EPSTI1: variants seen among roughly 807,000 people sequenced by gnomAD.
The protein encoded by EPSTI1 is epithelial-stromal interaction protein 1.
In EPSTI1, 66 loss-of-function variants were observed where a neutral mutation model predicts 49.9. The ratio of observed to expected loss-of-function variants is 1.32; its 90% CI spans 1.08 to 1.62. EPSTI1 has a LOEUF of 1.62. Among genes scored for constraint, EPSTI1 ranks in the 40% most tolerant of loss-of-function variants. The pLI is 0.00. For synonymous variants in EPSTI1, 137 were observed against 130.7 expected (o/e 1.05, Z -0.33); for missense variants, 394 against 365.5 (o/e 1.08, Z -0.64).
chr13:42,946,325 G>A (rs973124129), intron 6 of EPSTI1, among the ~76,000 whole-genome samples: 23 of 152,162 alleles, frequency 1.5e-4, no homozygotes, highest in Admixed American at 1.2e-3. Flanking sequence ...AGCTCAAGGT[G>A]GTGCAAGGCA....
chr13:42,907,793 A>G (rs1341863775), intron 8 of EPSTI1, among the ~76,000 whole-genome samples: 1 of 152,260 alleles, frequency 6.6e-6, no homozygotes, highest in East Asian at 1.9e-4. Flanking sequence ...CTTGGATAGA[A>G]CTATAGTTAC....
At chr13:42,962,221 T>C (rs2039472187) in intron 5 of EPSTI1, among the ~76,000 whole-genome samples, 1 of 152,308 alleles carries the variant, frequency 6.6e-6, no homozygotes, top group South Asian at 2.1e-4. Context: ...CGAGCTTTTA[T>C]GTGCACAGGA....
chr13:42,920,008 T>G (rs2037947592), intron 7 of EPSTI1, among the ~76,000 whole-genome samples: 2 of 152,224 alleles, frequency 1.3e-5, no homozygotes, highest in South Asian at 4.1e-4. Flanking sequence ...GACTCCATCT[T>G]CATCATGCAT....
chr13:42,897,307 C>T (rs2037220812), intron 9 of EPSTI1, among the ~76,000 whole-genome samples: 1 of 152,160 alleles, frequency 6.6e-6, no homozygotes, highest in Admixed American at 6.5e-5. Context: ...TCTCCAATTT[C>T]TTCTTTAACG....
intron 9 of EPSTI1, among the ~76,000 whole-genome samples, chr13:42,898,332 G>A (rs2037255720): frequency 6.6e-6 from 1 of 152,126 alleles, no homozygotes; most frequent in Admixed American, 6.5e-5. Flanking sequence ...GAATGGACAC[G>A]GCTATTTTAT....
intron 1 of EPSTI1, among the ~76,000 whole-genome samples, chr13:42,979,506 C>T (rs973406553): frequency 4.0e-5 from 6 of 148,708 alleles, no homozygotes; most frequent in Non-Finnish European, 7.4e-5. Context: ...GGCGTGAACC[C>T]GGAAGGCGGC....
At chr13:42,911,339 GAAAT>G (rs2037681157) in intron 8 of EPSTI1, among the ~76,000 whole-genome samples, 1 of 152,076 alleles carries the variant, frequency 6.6e-6, no homozygotes, top group Non-Finnish European at 1.5e-5. Flanking sequence ...TGGGGATAGT[GAAAT>G]AAACTTCTAA....
At chr13:42,962,478 A>T (rs942232358) in intron 5 of EPSTI1, among the ~76,000 whole-genome samples, 1 of 152,180 alleles carries the variant, frequency 6.6e-6, no homozygotes, top group African/African-American at 2.4e-5. Context: ...GACAATGTTT[A>T]AACAGTTTAG....
At position 42,888,457 on chromosome 13, in the gene EPSTI1, G is replaced by T; in HGVS notation, c.*37C>A. ...AAAGCATCTCATGAGGCTTTTCGAG[G>T]TCAGTTGATGAAGGCCAGATAGGAG... On this transcript the variant is annotated 3_prime_UTR_variant, in exon 11 of 11. Coordinates refer to ENST00000313624, the MANE Select transcript of EPSTI1 (RefSeq NM_033255.5). The T allele has an allele frequency of 6.2e-7, 1 of 1,614,030 alleles. No homozygotes were observed. The highest frequency in any genetic ancestry group is 8.5e-7 in the Non-Finnish European group (1 of 1,179,952).
At chr13:42,989,560 CTTTT>C (rs796370183) in intron 1 of EPSTI1, among the ~76,000 whole-genome samples, 3 of 37,030 alleles carry the variant, frequency 8.1e-5, no homozygotes, top group African/African-American at 2.0e-4. Flanking sequence ...ACTTTATCCT[CTTTT>C]TTCTTTTTTT....
At chr13:42,888,568 A>G in intron 10 of EPSTI1, 66 bp from the exon 11 acceptor site, 2 of 1,517,502 alleles carry the variant, frequency 1.3e-6, no homozygotes, top group African/African-American at 2.8e-5. Context: ...TTTGTAGTCA[A>G]AAATGAAGTT....
chr13:42,912,971 G>A (rs760203030), intron 8 of EPSTI1, among the ~76,000 whole-genome samples: 6 of 151,760 alleles, frequency 4.0e-5, no homozygotes, highest in Non-Finnish European at 7.4e-5. Flanking sequence ...AAGAAAATTA[G>A]GAAGAAAAAA....
At chr13:42,919,306 GTGA>G (rs2037927618) in intron 7 of EPSTI1, 3 of 1,613,650 alleles carry the variant, frequency 1.9e-6, no homozygotes, top group Non-Finnish European at 2.5e-6. Context: ...TTACCCAGCT[GTGA>G]TCCCTAGGCA....
intron 6 of EPSTI1, among the ~76,000 whole-genome samples, chr13:42,931,628 T>G (rs1203505607): frequency 6.6e-6 from 1 of 152,236 alleles, no homozygotes; most frequent in Non-Finnish European, 1.5e-5. Context: ...GGTGTTTATG[T>G]TTTTTAACTA....
At position 42,886,544 on chromosome 13, in the gene EPSTI1, G is replaced by C. The variant is rs1322395127; in HGVS notation, c.*1950C>G. On this transcript the variant is annotated 3_prime_UTR_variant, in exon 11 of 11. Transcript: ENST00000313624. ...CGGGGGGACATTAAAATTAAGCATA[G>C]AAATGGTGGAACTTTGGGATTTCCT... 6.6e-6 allele frequency: 1 copy of C among 151,870 alleles called. No individual in the cohort carries two copies. The highest frequency in any genetic ancestry group is 1.9e-4 in the East Asian group (1 of 5,194). The allele number at this position is 151,870 out of a possible 1,614,324, so 9.4% of individuals were successfully genotyped here.
chr13:42,919,107 C>A (rs1320734117), intron 7 of EPSTI1, among the ~76,000 whole-genome samples: 1 of 152,080 alleles, frequency 6.6e-6, no homozygotes, highest in African/African-American at 2.4e-5. Flanking sequence ...ATTTGAATAG[C>A]CTCCCTTTAA....
intron 8 of EPSTI1, among the ~76,000 whole-genome samples, chr13:42,907,827 G>A (rs968893075): frequency 6.6e-5 from 10 of 152,068 alleles, no homozygotes; most frequent in African/African-American, 2.2e-4. Context: ...TTTAGCATTC[G>A]GGAACATTAG....
chr13:42,992,087 GGT>G lies in EPSTI1; in HGVS notation c.77_78del (p.Asp26AlafsTer23). On this transcript the variant is annotated frameshift_variant, in exon 1 of 11. Coordinates refer to ENST00000313624, the MANE Select transcript of EPSTI1 (RefSeq NM_033255.5). LOFTEE classifies it high-confidence loss of function. The part of the protein sequence containing the change: ...PASRPTRDPQ[D>X]PSGRQGELSP... ...CTCAGCTCCCCTTGCCGCCCAGAAG[GGT>G]CCTGGGGATCCCGGGTCGGGCGGGA... The G allele has an allele frequency of 1.2e-6, 2 of 1,612,826 alleles. No homozygotes were observed. The highest frequency in any genetic ancestry group is 1.7e-6 in the Non-Finnish European group (2 of 1,179,804).
At chr13:42,978,641 C>T (rs1037941136) in intron 1 of EPSTI1, among the ~76,000 whole-genome samples, 1 of 152,112 alleles carries the variant, frequency 6.6e-6, no homozygotes, top group African/African-American at 2.4e-5. Flanking sequence ...TTATAGTTTT[C>T]CATTATTTGT....
Sources: gnomAD v4.1 joint callset for allele counts (sites outside exome capture counted in the v4.1 genomes callset) on GRCh38, gnomAD v4.1.1 for gene constraint, MANE v1.5 for transcripts, NCBI Gene and HGNC (gene_info 2026-07-23, HGNC 2026-07-21) for gene names.